The following UBE2L6 variants were observed in gnomAD, a reference collection of about 807,000 sequenced individuals.
The protein encoded by UBE2L6 is ubiquitin/ISG15-conjugating enzyme E2 L6.
A neutral mutation model predicts 13.6 loss-of-function variants in UBE2L6; 11 were observed. That is an observed-to-expected ratio of 0.81 (90% confidence interval 0.51 to 1.34). UBE2L6 has a LOEUF of 1.34. Ranked by LOEUF, UBE2L6 falls within the 40% of genes most tolerant of loss-of-function variation. The pLI is 0.00. For synonymous variants in UBE2L6, 74 were observed against 83.2 expected (o/e 0.89, Z 0.60); for missense variants, 197 against 199.5 (o/e 0.99, Z 0.07).
At chr11:57,566,340 T>G (rs1306493963) in intron 1 of UBE2L6, among the ~76,000 whole-genome samples, 1 of 152,128 alleles carries the variant, frequency 6.6e-6, no homozygotes, top group African/African-American at 2.4e-5. Flanking sequence ...GAAAGGCCAT[T>G]AAGAGAGCCT....
chr11:57,567,822 C>G, upstream of UBE2L6: 1 of 510,824 alleles, frequency 2.0e-6, no homozygotes, highest in South Asian at 3.1e-5. Context: ...CCGATCCCCG[C>G]GCGGAAGGCT....
intron 1 of UBE2L6, among the ~76,000 whole-genome samples, chr11:57,560,766 G>A (rs1449179243): frequency 1.3e-5 from 2 of 151,772 alleles, no homozygotes; most frequent in African/African-American, 2.4e-5. Context: ...GACTACAGAC[G>A]CCCGCCACCA....
chr11:57,557,390 T>C (rs539542568), intron 2 of UBE2L6, among the ~76,000 whole-genome samples: 7 of 138,484 alleles, frequency 5.1e-5, no homozygotes, highest in African/African-American at 1.8e-4. Flanking sequence ...GCTGGTGCCA[T>C]GCTTCTTTTT....
rs1280450631 is a variant in UBE2L6 at position 57,554,524 on chromosome 11, A to G, written c.223T>C (p.Tyr75His). ...CCGTTCTCGTCCACGTTGGGGTGGT[A>G]GATCTTGGTTGTGAATTTGATCATG... is the stretch of plus-strand genomic sequence containing the variant. The part of the protein sequence containing the change: ...PPMIKFTTKI[Y>H]HPNVDENGQI... The change falls in exon 3 of 4, where the codon TAC (tyrosine) becomes CAC (histidine). Residue 75 changes from tyrosine to histidine, a missense_variant. By Grantham distance (83) the Tyr-to-His change is moderately conservative. Transcript: ENST00000287156. 6.8e-6 allele frequency: 11 copies of G among 1,613,878 alleles called. No homozygotes were observed. The highest frequency in any genetic ancestry group is 8.5e-6 in the Non-Finnish European group (10 of 1,179,974).
intron 1 of UBE2L6, among the ~76,000 whole-genome samples, chr11:57,566,057 AC>A (rs1945088991): frequency 6.6e-6 from 1 of 151,590 alleles, no homozygotes; most frequent in South Asian, 2.1e-4. Context: ...ATTTATCTTT[AC>A]CCCAAACTAG....
intron 2 of UBE2L6, among the ~76,000 whole-genome samples, chr11:57,556,808 C>T (rs990323029): frequency 2.7e-4 from 41 of 151,596 alleles, no homozygotes; most frequent in African/African-American, 8.7e-4. Context: ...CCAAGACCTA[C>T]GTGGCGGTGG....
intron 2 of UBE2L6, 135 bp downstream of exon 2, chr11:57,560,202 C>A: frequency 2.8e-6 from 2 of 707,168 alleles, no homozygotes; most frequent in South Asian, 3.2e-5. Context: ...CAGAGAGAAG[C>A]CCCCTCCAGC....
chr11:57,553,543 T>C (rs1019937029), intron 3 of UBE2L6, among the ~76,000 whole-genome samples: 3 of 151,848 alleles, frequency 2.0e-5, no homozygotes, highest in Non-Finnish European at 4.4e-5. Flanking sequence ...AAGAATTGAG[T>C]TCTGGCCAGG....
At chr11:57,567,035 G>A (rs4939152) in intron 1 of UBE2L6, 95,780 of 450,378 alleles carry the variant, frequency 0.21, 11,142 homozygotes, top group African/African-American at 0.32. Flanking sequence ...ACTCCAGGAG[G>A]CCTTCCAGGT....
At chr11:57,563,942 T>C (rs1216048490) in intron 1 of UBE2L6, among the ~76,000 whole-genome samples, 1 of 152,138 alleles carries the variant, frequency 6.6e-6, no homozygotes, top group Non-Finnish European at 1.5e-5. Flanking sequence ...GAAGTATGCC[T>C]ACAGGATCTA....
At position 57,552,283 on chromosome 11, in the gene UBE2L6, G is replaced by T. The variant is rs538553453; in HGVS notation, c.*75C>A. On this transcript the variant is annotated 3_prime_UTR_variant, in exon 4 of 4. Transcript: ENST00000287156. ...AATGAATGGGGAATGGGCCACAGGG[G>T]GCTCTGGCCTCAGTCCATGAGGTGT... 8.6e-5 allele frequency: 134 copies of T among 1,560,516 alleles called. No homozygotes were observed. The highest frequency in any genetic ancestry group is 1.1e-4 in the Non-Finnish European group (121 of 1,142,850).
intron 2 of UBE2L6, among the ~76,000 whole-genome samples, chr11:57,558,686 A>G (rs769958743): frequency 2.6e-5 from 4 of 152,242 alleles, no homozygotes; most frequent in Non-Finnish European, 5.9e-5. Context: ...GAATCCTTCC[A>G]TGACCAAGAT....
intron 1 of UBE2L6, among the ~76,000 whole-genome samples, chr11:57,561,632 G>T (rs115657778): frequency 7.2e-5 from 11 of 152,284 alleles, no homozygotes; most frequent in African/African-American, 2.6e-4. Flanking sequence ...AGTATGTCCT[G>T]CAGAAGGTTA....
At chr11:57,554,857 C>T (rs537315172) in intron 2 of UBE2L6, among the ~76,000 whole-genome samples, 2 of 152,272 alleles carry the variant, frequency 1.3e-5, no homozygotes, top group Admixed American at 1.3e-4. Context: ...TGTGTGACCA[C>T]GGGTGAGCCA....
chr11:57,552,213 CCACA>C lies in UBE2L6; in HGVS notation c.*141_*144del. 3 of 1,151,600 alleles carry C rather than the reference CCACA, an allele frequency of 2.6e-6. No homozygotes were observed. Among genetic ancestry groups the C allele is most frequent in the African/African-American group, 1.5e-5 (1 of 64,862 alleles). 71.3% of individuals were successfully genotyped at this position (1,151,600 alleles called of 1,614,324 possible). ...CACACTCATAGCTCCCTTCCCTCCA[CCACA>C]CACACACACAAACTAATGACTAACA... On this transcript the variant is annotated 3_prime_UTR_variant, in exon 4 of 4. Transcript: ENST00000287156.
At chr11:57,560,977 C>T (rs1246721760) in intron 1 of UBE2L6, among the ~76,000 whole-genome samples, 3 of 152,034 alleles carry the variant, frequency 2.0e-5, no homozygotes, top group Non-Finnish European at 4.4e-5. Flanking sequence ...TCTGGTACAC[C>T]TAGGTACTAG....
chr11:57,566,212 G>A (rs565010919), intron 1 of UBE2L6, among the ~76,000 whole-genome samples: 10 of 152,284 alleles, frequency 6.6e-5, no homozygotes, highest in African/African-American at 2.4e-4. Flanking sequence ...TGTTTAGGAT[G>A]AGTTCTGCCA....
intron 2 of UBE2L6, 60 bp from the exon 3 acceptor site, chr11:57,554,683 C>T (rs987467817): frequency 6.3e-7 from 1 of 1,594,754 alleles, no homozygotes; most frequent in Non-Finnish European, 8.6e-7. Context: ...CTGCCCCAAT[C>T]CGAGGGTCCT....
At chr11:57,554,404 T>A (rs772069898) in intron 3 of UBE2L6, 33 bp downstream of exon 3, 1 of 1,609,308 alleles carries the variant, frequency 6.2e-7, no homozygotes, top group Admixed American at 1.7e-5. Context: ...CTACCCAGTA[T>A]CAGTCCCTCC....
Sources: allele counts gnomAD v4.1 joint callset (sites outside exome capture counted in the v4.1 genomes callset), GRCh38; gene constraint gnomAD v4.1.1; transcripts MANE v1.5; gene names NCBI Gene and HGNC (gene_info 2026-07-23, HGNC 2026-07-21).